The following INPP4B variants were observed in gnomAD, a reference collection of about 807,000 sequenced individuals.
INPP4B encodes the protein inositol polyphosphate 4-phosphatase type II.
Under a neutral mutation model 122.5 loss-of-function variants are expected in INPP4B, and 55 were observed. The ratio of observed to expected loss-of-function variants is 0.45; its 90% confidence interval spans 0.36 to 0.56. The LOEUF (loss-of-function observed/expected upper bound fraction) is 0.56. INPP4B is among the 20% of genes least tolerant of loss of function. INPP4B has a pLI of 0.00. For synonymous variants in INPP4B, 403 were observed against 388.7 expected, an observed-to-expected ratio of 1.04 and a Z score of -0.43; for missense variants, 1,000 against 1,097.7, an observed-to-expected ratio of 0.91 and a Z score of 1.26.
intron 2 of INPP4B, among the ~76,000 whole-genome samples, chr4:142,521,243 T>C (rs17016313): frequency 0.12 from 18,682 of 151,954 alleles, 1,337 homozygotes; most frequent in African/African-American, 0.2. Context: ...GAGTTGTTAA[T>C]AGATGTTTCA....
intron 3 of INPP4B, among the ~76,000 whole-genome samples, chr4:142,447,328 C>T (rs531453248): frequency 6.6e-6 from 1 of 152,256 alleles, no homozygotes; most frequent in African/African-American, 2.4e-5. Flanking sequence ...TTGCCTGCTA[C>T]TGCAGTGAGA....
At chr4:142,039,808 A>C (rs560901354) in intron 25 of INPP4B, among the ~76,000 whole-genome samples, 1 of 152,296 alleles carries the variant, frequency 6.6e-6, no homozygotes, top group Non-Finnish European at 1.5e-5. Context: ...TGTTTGCATA[A>C]AAGAATGCTA....
intron 2 of INPP4B, among the ~76,000 whole-genome samples, chr4:142,554,274 T>C (rs1001837025): frequency 6.8e-6 from 1 of 147,102 alleles, no homozygotes; most frequent in Non-Finnish European, 1.5e-5. Flanking sequence ...GAATGACAAA[T>C]GTTTTCTATT....
intron 1 of INPP4B, among the ~76,000 whole-genome samples, chr4:142,811,524 C>T (rs928885318): frequency 6.6e-6 from 1 of 152,104 alleles, no homozygotes; most frequent in Non-Finnish European, 1.5e-5. Flanking sequence ...AAGGGGCATT[C>T]TAGTTATTGA....
At chr4:142,256,972 C>A (rs538200527) in intron 11 of INPP4B, among the ~76,000 whole-genome samples, 14 of 152,274 alleles carry the variant, frequency 9.2e-5, no homozygotes, top group African/African-American at 2.9e-4. Context: ...TACTGACAAA[C>A]CGAATCCAGC....
chr4:142,707,286 G>A (rs1015256942), intron 2 of INPP4B, among the ~76,000 whole-genome samples: 4 of 152,140 alleles, frequency 2.6e-5, no homozygotes, highest in Non-Finnish European at 5.9e-5. Context: ...AACCTCAAAC[G>A]AGAGGTGGCC....
chr4:142,743,235 A>G (rs928169405), intron 1 of INPP4B, among the ~76,000 whole-genome samples: 1 of 152,040 alleles, frequency 6.6e-6, no homozygotes, highest in Non-Finnish European at 1.5e-5. Flanking sequence ...AGTCCCAGTT[A>G]TCTCCTTAGT....
rs530940447 is a variant in INPP4B at position 142,028,635 on chromosome 4, T to A, written c.*147A>T. On this transcript the variant is annotated 3_prime_UTR_variant, in exon 26 of 26. Coordinates refer to ENST00000262992, the MANE Select transcript of INPP4B (RefSeq NM_001101669.3). ...TTCAGAGCAATATGCTGATGATGAA[T>A]TGAAGTAGTTCCTAGATTTTGGGAA... 1.4e-6 allele frequency: 1 copy of A among 727,272 alleles called. No individual in the cohort carries two copies. Among genetic ancestry groups the A allele is most frequent in the Non-Finnish European group, 2.2e-6 (1 of 446,482 alleles). The allele number at this position is 727,272 out of a possible 1,614,324, so 45.1% of individuals were successfully genotyped here. A position where few individuals can be genotyped will look rare whatever the true frequency, so the allele number is the denominator to read the frequency against.
At chr4:142,578,182 G>A (rs1274830663) in intron 2 of INPP4B, among the ~76,000 whole-genome samples, 2 of 151,984 alleles carry the variant, frequency 1.3e-5, no homozygotes. Context: ...GAGGGCATCA[G>A]GCTGAGATTG....
intron 3 of INPP4B, among the ~76,000 whole-genome samples, chr4:142,459,524 C>A (rs1222319942): frequency 6.6e-6 from 1 of 151,914 alleles, no homozygotes; most frequent in Non-Finnish European, 1.5e-5. Context: ...TGAATAAAGA[C>A]TAAAAGGTAG....
intron 7 of INPP4B, among the ~76,000 whole-genome samples, chr4:142,342,799 T>G (rs1195308597): frequency 6.6e-6 from 1 of 152,158 alleles, no homozygotes; most frequent in African/African-American, 2.4e-5. Context: ...ACTGCCTTAA[T>G]CTCTGAAACG....
At chr4:142,748,396 G>A (rs754240168) in intron 1 of INPP4B, among the ~76,000 whole-genome samples, 4 of 151,792 alleles carry the variant, frequency 2.6e-5, no homozygotes, top group Non-Finnish European at 5.9e-5. Context: ...CAGAACAGAA[G>A]CCAAAGAATT....
Position 142,795,254 on chromosome 4 carries a change from G to A in INPP4B, c.-254+50955C>T, listed in dbSNP as rs1777076393. On this transcript the variant is annotated intron_variant, in intron 1 of 25. Transcript: ENST00000262992. The stretch of plus-strand genomic sequence containing the variant: ...ATATTCTTTAGGATAAAGAAATACA[G>A]ATAAACTCTAAAGAAAAAGCAAGGA... The A allele has an allele frequency of 2.6e-5, 4 of 151,868 alleles. No individual in the cohort carries two copies. The South Asian group carries it at 8.3e-4, about 31-fold the overall frequency. The allele number at this position is 151,868 out of a possible 1,614,324, so 9.4% of individuals were successfully genotyped here.
rs61694410 is a variant in INPP4B, at chr4:142,263,680, A to ATATATATATATATATATG, written c.616-3117_616-3116insCATATATATATATATATA. 6.5e-3 allele frequency among the ~76,000 whole-genome samples: 531 copies of ATATATATATATATATATG among 81,942 alleles called. 117 individuals carry two copies. The highest frequency in any genetic ancestry group is 9.5e-3 in the Non-Finnish European group (373 of 39,398). The allele number at this position is 81,942 out of a possible 152,430, so 53.8% of individuals were successfully genotyped here. A position where few individuals can be genotyped will look rare whatever the true frequency, so the allele number is the denominator to read the frequency against. On this transcript the variant is annotated intron_variant, in intron 10 of 25. Coordinates refer to ENST00000262992, the MANE Select transcript of INPP4B (RefSeq NM_001101669.3). ...TATATATATATATATATATATATAT[A>ATATATATATATATATATG]ACATTGAACAATGACAAGTACTAAT...
chr4:142,230,063 T>A (rs1241830543), intron 12 of INPP4B, among the ~76,000 whole-genome samples: 5 of 152,214 alleles, frequency 3.3e-5, no homozygotes, highest in Admixed American at 3.3e-4. Context: ...GTGTATTCAT[T>A]TTATTTTTCT....
chr4:142,737,290 T>C (rs989458933), intron 1 of INPP4B, among the ~76,000 whole-genome samples: 10 of 151,476 alleles, frequency 6.6e-5, no homozygotes, highest in African/African-American at 1.7e-4. Flanking sequence ...CAGAACAGAG[T>C]CCTCAGAAAT....
At chr4:142,449,049 C>T (rs1211612731) in intron 3 of INPP4B, among the ~76,000 whole-genome samples, 1 of 152,152 alleles carries the variant, frequency 6.6e-6, no homozygotes, top group African/African-American at 2.4e-5. Flanking sequence ...CAATTGAATT[C>T]TCCAGGATGT....
intron 2 of INPP4B, among the ~76,000 whole-genome samples, chr4:142,526,255 C>G (rs1268657263): frequency 2.0e-5 from 3 of 151,990 alleles, no homozygotes; most frequent in Admixed American, 2.0e-4. Flanking sequence ...ATCTTAAAAA[C>G]AAATTTCATC....
intron 7 of INPP4B, among the ~76,000 whole-genome samples, chr4:142,346,470 T>C (rs1021611136): frequency 6.6e-6 from 1 of 151,934 alleles, no homozygotes; most frequent in Non-Finnish European, 1.5e-5. Flanking sequence ...AAGTGACATA[T>C]TGATAATGTG....
Sources: allele counts gnomAD v4.1 joint callset (sites outside exome capture counted in the v4.1 genomes callset), GRCh38; gene constraint gnomAD v4.1.1; transcripts MANE v1.5; gene names NCBI Gene and HGNC (gene_info 2026-07-23, HGNC 2026-07-21).